Variants in SIL1 observed in about 807,000 individuals in gnomAD.
The protein encoded by SIL1 is SIL1 nucleotide exchange factor.
SIL1 carries 40 observed loss-of-function variants against 49.1 expected under a neutral mutation model. That is an observed-to-expected ratio of 0.81 (90% confidence interval 0.63 to 1.06). The LOEUF (loss-of-function observed/expected upper bound fraction) is 1.06, where lower values mean the gene tolerates loss of function less well. Ranked by LOEUF, SIL1 falls within the 50% of genes least tolerant of loss-of-function variation. The pLI is 0.00. For synonymous variants in SIL1, 253 were observed against 250.8 expected (o/e 1.01, Z -0.08); for missense variants, 500 against 572.6 (o/e 0.87, Z 1.29).
chr5:138,979,151 G>A (rs979100733), intron 7 of SIL1, among the ~76,000 whole-genome samples: 3 of 151,330 alleles, frequency 2.0e-5, no homozygotes, highest in African/African-American at 7.3e-5. Context: ...TGAAACCTCT[G>A]CCTCCCGGGT....
chr5:139,065,028 T>C (rs1003563566), intron 3 of SIL1, among the ~76,000 whole-genome samples: 1 of 152,242 alleles, frequency 6.6e-6, no homozygotes, highest in Non-Finnish European at 1.5e-5. Flanking sequence ...CATGCCATGA[T>C]AGATGCTCAA....
At chr5:139,024,204 T>C (rs991913366) in intron 6 of SIL1, among the ~76,000 whole-genome samples, 5 of 152,092 alleles carry the variant, frequency 3.3e-5, no homozygotes, top group Non-Finnish European at 5.9e-5. Flanking sequence ...TGAGAAAAAA[T>C]AGAAGCTGTC....
At chr5:139,114,565 G>A (rs571717861) in intron 3 of SIL1, among the ~76,000 whole-genome samples, 3 of 152,306 alleles carry the variant, frequency 2.0e-5, no homozygotes, top group East Asian at 1.9e-4. Flanking sequence ...GCTCAGAGTC[G>A]AGAATGCTTA....
At chr5:139,150,801 T>C (rs926018781) in intron 1 of SIL1, among the ~76,000 whole-genome samples, 13 of 152,062 alleles carry the variant, frequency 8.5e-5, no homozygotes, top group African/African-American at 2.9e-4. Flanking sequence ...CCTCCGGAAA[T>C]GTCAACACTT....
At chr5:138,950,009 A>G (rs1580974658) in intron 9 of SIL1, among the ~76,000 whole-genome samples, 1 of 151,988 alleles carries the variant, frequency 6.6e-6, no homozygotes, top group African/African-American at 2.4e-5. Flanking sequence ...TCATGTCAGC[A>G]CCCCAAAGCT....
intron 3 of SIL1, among the ~76,000 whole-genome samples, chr5:139,078,725 C>G (rs920181454): frequency 2.6e-5 from 4 of 152,206 alleles, no homozygotes; most frequent in Non-Finnish European, 5.9e-5. Flanking sequence ...GTGGCTTTAG[C>G]TAGAAAAATC....
chr5:138,983,663 T>G (rs1767583242), intron 7 of SIL1, among the ~76,000 whole-genome samples: 1 of 151,972 alleles, frequency 6.6e-6, no homozygotes, highest in Non-Finnish European at 1.5e-5. Context: ...CCACCCACTC[T>G]ACCCTGCCCG....
At chr5:138,982,237 C>G (rs949747004) in intron 7 of SIL1, among the ~76,000 whole-genome samples, 1 of 152,192 alleles carries the variant, frequency 6.6e-6, no homozygotes, top group Non-Finnish European at 1.5e-5. Context: ...GTCAAATGAG[C>G]TGGCTTCCCT....
At chr5:139,153,614 A>G (rs1267355819) in intron 1 of SIL1, among the ~76,000 whole-genome samples, 1 of 152,166 alleles carries the variant, frequency 6.6e-6, no homozygotes, top group Non-Finnish European at 1.5e-5. Context: ...TTCTGTCCTT[A>G]GTGGATGGCT....
chr5:139,090,387 A>G (rs549275921), intron 3 of SIL1, among the ~76,000 whole-genome samples: 2 of 152,308 alleles, frequency 1.3e-5, no homozygotes, highest in South Asian at 2.1e-4. Flanking sequence ...CATGTCTCCA[A>G]CTGCCATCTA....
chr5:139,031,972 A>G (rs1223435642), intron 5 of SIL1, among the ~76,000 whole-genome samples: 1 of 152,212 alleles, frequency 6.6e-6, no homozygotes, highest in African/African-American at 2.4e-5. Context: ...ATATCTTGTG[A>G]CATTGCTGAA....
chr5:139,078,797 A>G (rs1770007411), intron 3 of SIL1, among the ~76,000 whole-genome samples: 1 of 152,272 alleles, frequency 6.6e-6, no homozygotes, highest in Non-Finnish European at 1.5e-5. Context: ...GATAGTCACC[A>G]AGCAGCTGTT....
intron 4 of SIL1, among the ~76,000 whole-genome samples, chr5:139,048,315 C>T (rs1011489333): frequency 6.6e-6 from 1 of 151,388 alleles, no homozygotes; most frequent in East Asian, 1.9e-4. Context: ...CACCACACAC[C>T]CAGCTAATTT....
chr5:139,090,501 T>C (rs1770320100), intron 3 of SIL1, among the ~76,000 whole-genome samples: 1 of 152,228 alleles, frequency 6.6e-6, no homozygotes, highest in African/African-American at 2.4e-5. Context: ...GGTTTGATAC[T>C]GGTGCATGAA....
intron 1 of SIL1, among the ~76,000 whole-genome samples, chr5:139,186,176 A>G (rs1181492270): frequency 6.6e-6 from 1 of 152,216 alleles, no homozygotes; most frequent in Non-Finnish European, 1.5e-5. Context: ...CCACCTTTCT[A>G]GGGACAAAAG....
rs1766660391 is a variant in SIL1 at position 138,947,432 on chromosome 5, G to C, written c.1071C>G (p.Ser357=). Residue 357 remains serine (S), a synonymous_variant, in exon 10 of 10, where the codon TCC becomes TCG. Coordinates refer to ENST00000394817, the MANE Select transcript of SIL1 (RefSeq NM_022464.5). This position sits in a 1 kb window ranked among gnomAD's most constrained non-coding sequence, Gnocchi z 4.1. ...EEEAELTQEM[S]PEKLQQYRQV... ...GGCGATACTGCTGCAGCTTCTCTGG[G>C]GACATCTCCTGGGTCAGCTCAGCCT... 2 of 1,613,616 alleles carry C rather than the reference G, an allele frequency of 1.2e-6. No homozygotes were observed. Among genetic ancestry groups the C allele is most frequent in the East Asian group, 4.5e-5 (2 of 44,882 alleles).
chr5:138,999,243 T>C (rs1008563661), intron 7 of SIL1, among the ~76,000 whole-genome samples: 5 of 152,228 alleles, frequency 3.3e-5, no homozygotes, highest in African/African-American at 1.2e-4. Flanking sequence ...CAGTGTTTTA[T>C]AGTTTTCCTT....
At chr5:138,998,715 G>A (rs1270270395) in intron 7 of SIL1, among the ~76,000 whole-genome samples, 1 of 152,096 alleles carries the variant, frequency 6.6e-6, no homozygotes, top group Admixed American at 6.5e-5. Flanking sequence ...CCAAGGAAGT[G>A]GTGCTAAACC....
At chr5:139,078,928 G>A (rs936648364) in intron 3 of SIL1, among the ~76,000 whole-genome samples, 1 of 152,218 alleles carries the variant, frequency 6.6e-6, no homozygotes, top group Admixed American at 6.5e-5. Flanking sequence ...TGCAATGACA[G>A]AAATGTTCTA....
Sources: allele counts gnomAD v4.1 joint callset (sites outside exome capture counted in the v4.1 genomes callset), GRCh38; gene constraint gnomAD v4.1.1; non-coding constraint Gnocchi (gnomAD v3.1); transcripts MANE v1.5; gene names NCBI Gene and HGNC (gene_info 2026-07-23, HGNC 2026-07-21).